Variants in VPS52 observed in about 807,000 individuals in gnomAD.
The protein encoded by VPS52 is vacuolar protein sorting-associated protein 52 homolog.
A neutral mutation model predicts 98.7 loss-of-function variants in VPS52; 56 were observed. That is an observed-to-expected ratio of 0.57 (90% CI 0.46 to 0.71). VPS52 has a LOEUF of 0.71. VPS52 is among the 30% of genes least tolerant of loss of function. VPS52 has a pLI of 0.00. For missense variants in VPS52, 742 were observed against 925.9 expected (o/e 0.80, Z 2.58); for synonymous variants, 348 against 346.4 (o/e 1.00, Z -0.05).
chr6:33,257,114 C>T (rs556479129), intron 17 of VPS52, among the ~76,000 whole-genome samples: 5 of 152,254 alleles, frequency 3.3e-5, no homozygotes, highest in African/African-American at 4.8e-5. Context: ...ACTGCAGCCT[C>T]GACCTCCCAG....
chr6:33,257,079 G>T (rs1296810621), intron 17 of VPS52, among the ~76,000 whole-genome samples: 1 of 152,030 alleles, frequency 6.6e-6, no homozygotes, highest in Non-Finnish European at 1.5e-5. Context: ...GCCCAGGCTG[G>T]AGTGCAGCAG....
In VPS52 at chr6:33,268,880, T is replaced by C; in HGVS notation, c.548+134A>G. The C allele has an allele frequency of 8.0e-7, 1 of 1,244,724 alleles. No homozygotes were observed. Among genetic ancestry groups the C allele is most frequent in the Non-Finnish European group, 1.1e-6 (1 of 900,146 alleles). 77.1% of individuals were successfully genotyped at this position (1,244,724 alleles called of 1,614,324 possible). ...GATGCCTAATGCATACCTAAAGAAATGGTGGTTAACCTGGCTACTAATTTC... is the reference window on the plus strand; with the variant it reads ...GATGCCTAATGCATACCTAAAGAAACGGTGGTTAACCTGGCTACTAATTTC... On this transcript the variant is annotated intron_variant, in intron 6 of 19. Coordinates refer to ENST00000445902, the MANE Select transcript of VPS52 (RefSeq NM_022553.6). The surrounding 1 kb of genome is among the most constrained non-coding windows in gnomAD (Gnocchi z 4.0).
chr6:33,265,102 C>T (rs1764145700), intron 12 of VPS52, among the ~76,000 whole-genome samples: 1 of 151,902 alleles, frequency 6.6e-6, no homozygotes, highest in Admixed American at 6.6e-5. Context: ...GATAGAGTTT[C>T]ACTCTTGCCA....
chr6:33,263,345 C>T, intron 17 of VPS52, 139 bp downstream of exon 17: 1 of 667,636 alleles, frequency 1.5e-6, no homozygotes, highest in Non-Finnish European at 2.5e-6. Flanking sequence ...TCAAGAGTTA[C>T]AGTAATTCCG....
intron 18 of VPS52, 76 bp downstream of exon 18, chr6:33,251,784 T>G: frequency 6.7e-7 from 1 of 1,500,316 alleles, no homozygotes; most frequent in South Asian, 1.1e-5. Flanking sequence ...TCCCCCACCA[T>G]GTAATCTGCA....
intron 17 of VPS52, among the ~76,000 whole-genome samples, chr6:33,252,758 A>G (rs1762449775): frequency 6.6e-6 from 1 of 152,138 alleles, no homozygotes; most frequent in African/African-American, 2.4e-5. Context: ...TGAAGAAAGG[A>G]CTCAGAATGT....
chr6:33,269,017 A>C lies in VPS52; in HGVS notation c.545T>G (p.Val182Gly). The C allele has an allele frequency of 6.2e-7, 1 of 1,612,064 alleles. No individual in the cohort carries two copies. Among genetic ancestry groups the C allele is most frequent in the Non-Finnish European group, 8.5e-7 (1 of 1,179,852 alleles). The part of the protein sequence containing the change: ...VDGLVVPSAL[V>G]TAILEAPVTE... ...ACCCTTCAAACTGGTAACTCACGTG[A>C]CCAGAGCAGAAGGCACCACCAGACC... is the stretch of plus-strand genomic sequence containing the variant. The change falls in exon 6 of 20, where the codon GTC becomes GGC. Residue 182 changes from valine (V) to glycine (G), a missense_variant. By Grantham distance (109) the Val-to-Gly change is moderately radical. Coordinates refer to ENST00000445902, the MANE Select transcript of VPS52 (RefSeq NM_022553.6).
At position 33,264,817 on chromosome 6, in the gene VPS52, G is replaced by A; in HGVS notation, c.1365C>T (p.Asn455=). 6.2e-7 allele frequency: 1 copy of A among 1,613,114 alleles called. No individual in the cohort carries two copies. The highest frequency in any genetic ancestry group is 8.5e-7 in the Non-Finnish European group (1 of 1,180,034). Residue 455 remains asparagine, a synonymous_variant, in exon 13 of 20, where the codon AAC becomes AAT. Transcript: ENST00000445902. The stretch of plus-strand genomic sequence containing the variant: ...CAGGAACATCCCTCTTTGCTGCAAT[G>A]TTACGGAACCGGAGAACAATGTGGA... The part of the protein sequence containing the change: ...LCIHIVLRFR[N]IAAKRDVPAL...
At chr6:33,254,596 T>C (rs1009956037) in intron 17 of VPS52, 8 of 152,162 alleles carry the variant, frequency 5.3e-5, no homozygotes, top group African/African-American at 1.9e-4. Flanking sequence ...CCATAAATTA[T>C]ATAATGTGTT....
chr6:33,255,613 G>A (rs529145223), intron 17 of VPS52, among the ~76,000 whole-genome samples: 51 of 151,042 alleles, frequency 3.4e-4, no homozygotes, highest in Admixed American at 2.1e-3. Flanking sequence ...GAAACCCCCC[G>A]TCTCTACTAA....
Position 33,251,499 on chromosome 6 carries a change from C to T in VPS52, c.2025+19G>A, listed in dbSNP as rs1762235084. On this transcript the variant is annotated intron_variant, in intron 19 of 19. Transcript: ENST00000445902. ...TTAATGATGGGGGATCTGAGTGGGG[C>T]CTGGGACTTGCAGGTCACCTGAATG... 1 of 1,490,450 alleles carries T rather than the reference C, an allele frequency of 6.7e-7. No individual in the cohort carries two copies. The highest frequency in any genetic ancestry group is 1.4e-5 in the African/African-American group (1 of 72,332). 92.3% of individuals were successfully genotyped at this position (1,490,450 alleles called of 1,614,324 possible). A position where few individuals can be genotyped will look rare whatever the true frequency, so the allele number is the denominator to read the frequency against.
intron 17 of VPS52, among the ~76,000 whole-genome samples, chr6:33,256,608 T>C (rs1462698888): frequency 1.3e-5 from 2 of 151,176 alleles, no homozygotes; most frequent in Non-Finnish European, 2.9e-5. Flanking sequence ...ATCAAAATCC[T>C]TAAAGACTTT....
At chr6:33,270,602 C>A (rs1190784454) in intron 1 of VPS52, among the ~76,000 whole-genome samples, 2 of 152,126 alleles carry the variant, frequency 1.3e-5, no homozygotes, top group African/African-American at 4.8e-5. Flanking sequence ...CAAGGTCAAC[C>A]TGGGTAACAC....
intron 17 of VPS52, among the ~76,000 whole-genome samples, chr6:33,262,271 G>T (rs1763724709): frequency 6.6e-6 from 1 of 151,914 alleles, no homozygotes; most frequent in African/African-American, 2.4e-5. Context: ...TATGAAAAGG[G>T]GCTCACCATC....
At chr6:33,271,486 G>A in intron 1 of VPS52, 100 bp downstream of exon 1, 2 of 1,506,860 alleles carry the variant, frequency 1.3e-6, no homozygotes, top group South Asian at 1.2e-5. Flanking sequence ...AATATCACGG[G>A]TAGCAGCCAA....
chr6:33,268,699 C>G lies in VPS52; in HGVS notation c.549-50G>C, dbSNP rs1444627403. 1.3e-6 allele frequency: 2 copies of G among 1,550,646 alleles called. No homozygotes were observed. The highest frequency in any genetic ancestry group is 3.7e-5 in the Admixed American group (2 of 53,978). ...GAGTTACAAGGGAGACCCAGACATC[C>G]CTAAACCAGACCCAGACCACACTCC... is the stretch of plus-strand genomic sequence containing the variant. On this transcript the variant is annotated intron_variant, in intron 6 of 19. Coordinates refer to ENST00000445902, the MANE Select transcript of VPS52 (RefSeq NM_022553.6). The surrounding 1 kb of genome is among the most constrained non-coding windows in gnomAD (Gnocchi z 4.0).
intron 1 of VPS52, 34 bp from the exon 2 acceptor site, chr6:33,270,317 G>A (rs373511793): frequency 1.3e-6 from 2 of 1,564,852 alleles, no homozygotes; most frequent in East Asian, 2.3e-5. Context: ...AGTAGGGTAC[G>A]GTGAAAGACA....
rs1764598506 is a variant in VPS52 at position 33,268,389 on chromosome 6, G to A, written c.699+110C>T. The A allele has an allele frequency of 7.0e-7, 1 of 1,438,252 alleles. No homozygotes were observed. Among genetic ancestry groups the A allele is most frequent in the Non-Finnish European group, 9.4e-7 (1 of 1,059,190 alleles). The allele number at this position is 1,438,252 out of a possible 1,614,324, so 89.1% of individuals were successfully genotyped here. Reference sequence around the variant, plus strand: ...AATGGGGCTGCCCAGAAAAGGCAGGGTGAAGTCCCTGGAGACAGGCTACAG... The same window carrying A: ...AATGGGGCTGCCCAGAAAAGGCAGGATGAAGTCCCTGGAGACAGGCTACAG... On this transcript the variant is annotated intron_variant, in intron 7 of 19. Coordinates refer to ENST00000445902, the MANE Select transcript of VPS52 (RefSeq NM_022553.6). This position sits in a 1 kb window ranked among gnomAD's most constrained non-coding sequence, Gnocchi z 4.0.
intron 1 of VPS52, among the ~76,000 whole-genome samples, chr6:33,270,747 G>A (rs886786818): frequency 1.5e-4 from 23 of 152,106 alleles, no homozygotes; most frequent in Non-Finnish European, 2.4e-4. Flanking sequence ...TCAGGAGATC[G>A]AGACCATCCT....
Sources: gnomAD v4.1 joint callset for allele counts (sites outside exome capture counted in the v4.1 genomes callset) on GRCh38, gnomAD v4.1.1 for gene constraint, Gnocchi (gnomAD v3.1) non-coding constraint, MANE v1.5 for transcripts, NCBI Gene and HGNC (gene_info 2026-07-23, HGNC 2026-07-21) for gene names.